The following OPN5 variants were observed in gnomAD, a reference collection of about 807,000 sequenced individuals.
OPN5 encodes the protein opsin 5, also known as opsin-5.
OPN5 carries 18 observed loss-of-function variants against 41.7 expected under a neutral mutation model. That is an observed-to-expected ratio of 0.43 (90% CI 0.30 to 0.64). OPN5 has a LOEUF of 0.64. OPN5 is among the 30% of genes least tolerant of loss of function. The probability of loss-of-function intolerance (pLI) is 0.13; values close to 1 mark genes in which losing one functional copy is unlikely to be tolerated. For synonymous variants in OPN5, 178 were observed against 164.3 expected (o/e 1.08, Z -0.64); for missense variants, 318 against 434.5 (o/e 0.73, Z 2.38).
At chr6:47,793,718 CA>C (rs879848362) in intron 3 of OPN5, 3 of 545,916 alleles carry the variant, frequency 5.5e-6, no homozygotes, top group African/African-American at 2.1e-5. Context: ...AACACAGAAC[CA>C]ATCTACTAAT....
chr6:47,808,146 C>G lies in OPN5; in HGVS notation c.757-8C>G, dbSNP rs770092731. 85 of 1,613,504 alleles carry G rather than the reference C, an allele frequency of 5.3e-5. 2 individuals are homozygous for G. Among genetic ancestry groups the G allele is most frequent in the Non-Finnish European group, 9.3e-6 (11 of 1,179,736 alleles). On this transcript the variant is annotated splice_polypyrimidine_tract_variant and splice_region_variant and intron_variant, in intron 4 of 6. Coordinates refer to ENST00000371211, the Ensembl canonical transcript of OPN5. ...TTGATTCTTTTCTCTGTTGCTTTCC[C>G]TCATCAGGTAGCGATGTTGATTTGT...
downstream of OPN5, chr6:47,826,375 C>A (rs1293771080): frequency 6.6e-6 from 1 of 152,174 alleles, no homozygotes; most frequent in Non-Finnish European, 1.5e-5. Flanking sequence ...GTGTTCTAAT[C>A]TCCAAACGTT....
At chr6:47,816,899 GC>G (rs1762443146) in intron 6 of OPN5, among the ~76,000 whole-genome samples, 1 of 152,130 alleles carries the variant, frequency 6.6e-6, no homozygotes, top group South Asian at 2.1e-4. Context: ...ATTATTCCAA[GC>G]GGGTTTTGTA....
intron 6 of OPN5, among the ~76,000 whole-genome samples, chr6:47,821,825 G>T (rs898527714): frequency 6.6e-6 from 1 of 152,050 alleles, no homozygotes; most frequent in African/African-American, 2.4e-5. Context: ...TTTAAGAAAT[G>T]CAGGTGAGGC....
At chr6:47,815,968 A>G (rs567445430) in intron 6 of OPN5, among the ~76,000 whole-genome samples, 31 of 152,276 alleles carry the variant, frequency 2.0e-4, no homozygotes, top group African/African-American at 7.0e-4. Flanking sequence ...CCTGACAAAT[A>G]TACCCTCACA....
At chr6:47,797,569 T>A (rs1361604104) in intron 4 of OPN5, among the ~76,000 whole-genome samples, 1 of 152,134 alleles carries the variant, frequency 6.6e-6, no homozygotes, top group East Asian at 1.9e-4. Flanking sequence ...TGATGAAAAA[T>A]TTGCTTTTCA....
chr6:47,813,426 C>A (rs1762323949), intron 6 of OPN5, among the ~76,000 whole-genome samples: 1 of 152,106 alleles, frequency 6.6e-6, no homozygotes, highest in Non-Finnish European at 1.5e-5. Flanking sequence ...TAGAGAAGCA[C>A]CCCTGGGTAC....
chr6:47,823,625 A>G (rs1242685597), intron 6 of OPN5: 2 of 371,386 alleles, frequency 5.4e-6, no homozygotes, highest in Non-Finnish European at 9.8e-6. Flanking sequence ...GTGAGTAGGG[A>G]GAAGATCCTG....
Position 47,822,473 on chromosome 6 carries a change from A to C in OPN5, c.1057-1510A>C, listed in dbSNP as rs1413280503. The stretch of plus-strand genomic sequence containing the variant: ...CTCTTCCTATCTTTTGTCCTAGATT[A>C]ATTCAGATTCTTGCTCAATAAATTT... On this transcript the variant is annotated intron_variant, in intron 6 of 6. Coordinates refer to ENST00000371211, the Ensembl canonical transcript of OPN5. 2.6e-5 allele frequency among the ~76,000 whole-genome samples: 4 copies of C among 152,336 alleles called. No homozygotes were observed. The East Asian group carries it at 7.7e-4, about 29-fold the overall frequency.
At chr6:47,811,838 T>G in intron 6 of OPN5, 107 bp downstream of exon 6, 1 of 670,614 alleles carries the variant, frequency 1.5e-6, no homozygotes, top group Non-Finnish European at 2.5e-6. Context: ...TATATTATAT[T>G]TTTATATTTT....
At chr6:47,810,281 G>A (rs1774140262) in intron 5 of OPN5, among the ~76,000 whole-genome samples, 1 of 152,204 alleles carries the variant, frequency 6.6e-6, no homozygotes, top group South Asian at 2.1e-4. Flanking sequence ...CTTTGTGGAA[G>A]GAATGCTGAA....
At chr6:47,782,606 C>T (rs970086923) in intron 1 of OPN5, among the ~76,000 whole-genome samples, 2 of 152,130 alleles carry the variant, frequency 1.3e-5, no homozygotes, top group African/African-American at 4.8e-5. Flanking sequence ...AGGTCAGTCT[C>T]CTGTTCTCAC....
At chr6:47,824,195 G>C (rs75808546) in exon 7 of OPN5, 1 of 586,694 alleles carries the variant, frequency 1.7e-6, no homozygotes, top group East Asian at 2.8e-5. Context: ...ATCTCATTCT[G>C]GTATAGTGGC....
At chr6:47,814,494 A>G (rs893464437) in intron 6 of OPN5, among the ~76,000 whole-genome samples, 7 of 152,160 alleles carry the variant, frequency 4.6e-5, no homozygotes, top group Admixed American at 2.0e-4. Flanking sequence ...TCTGTTATCA[A>G]TTTGAAAAAT....
At chr6:47,811,784 T>G (rs760573850) in intron 6 of OPN5, 53 bp downstream of exon 6, 8 of 1,120,120 alleles carry the variant, frequency 7.1e-6, no homozygotes, top group Non-Finnish European at 1.1e-5. Flanking sequence ...CTTATTTGCC[T>G]CTTCACTGCT....
chr6:47,791,800 A>G lies in OPN5; in HGVS notation c.251-2A>G. 6.2e-7 allele frequency: 1 copy of G among 1,613,736 alleles called. No homozygotes were observed. The highest frequency in any genetic ancestry group is 8.5e-7 in the Non-Finnish European group (1 of 1,179,708). ...CTGTTGACAAGTCACTTGGTGCTCT[A>G]GTTGTAGGCAAGCCGTTCACCATCA... On this transcript the variant is annotated splice_acceptor_variant, in intron 2 of 6. Coordinates refer to ENST00000371211, the Ensembl canonical transcript of OPN5. LOFTEE classifies it high-confidence loss of function.
chr6:47,806,942 A>G (rs965611036), intron 4 of OPN5, among the ~76,000 whole-genome samples: 4 of 152,028 alleles, frequency 2.6e-5, no homozygotes, highest in Admixed American at 6.6e-5. Flanking sequence ...TGGATCACCT[A>G]AGGTCGGGAG....
chr6:47,790,985 C>T (rs1773352772), intron 2 of OPN5, among the ~76,000 whole-genome samples: 1 of 152,130 alleles, frequency 6.6e-6, no homozygotes, highest in African/African-American at 2.4e-5. Flanking sequence ...AATCTCATGC[C>T]TTATACAGGT....
exon 7 of OPN5, chr6:47,824,267 G>A (rs1762726257): frequency 2.1e-6 from 1 of 479,846 alleles, no homozygotes; most frequent in African/African-American, 1.9e-5. Context: ...GCACACCTCG[G>A]TCTCGTCAGT....
Sources: gnomAD v4.1 joint callset for allele counts (sites outside exome capture counted in the v4.1 genomes callset) on GRCh38, gnomAD v4.1.1 for gene constraint, MANE v1.5 for transcripts, NCBI Gene and HGNC (gene_info 2026-07-23, HGNC 2026-07-21) for gene names.